Variants in DLG2 observed in about 807,000 individuals in gnomAD.
The protein encoded by DLG2 is disks large homolog 2.
In DLG2, 45 loss-of-function variants were observed where a neutral mutation model predicts 132.5. The observed-to-expected ratio is 0.34, with a 90% confidence interval of 0.27 to 0.44. The LOEUF (loss-of-function observed/expected upper bound fraction) is 0.44, where lower values mean the gene tolerates loss of function less well. Ranked by LOEUF, DLG2 falls within the 20% of genes least tolerant of loss-of-function variation. DLG2 has a pLI of 1.00. For synonymous variants in DLG2, 424 were observed against 419.6 expected (o/e 1.01, Z -0.13); for missense variants, 1,045 against 1,196.9 (o/e 0.87, Z 1.87).
intron 3 of DLG2, among the ~76,000 whole-genome samples, chr11:85,436,798 A>G (rs1250816279): frequency 2.0e-5 from 3 of 152,256 alleles, no homozygotes; most frequent in Admixed American, 2.0e-4. Flanking sequence ...CAATCCCATT[A>G]CTGGGTATAT....
intron 3 of DLG2, among the ~76,000 whole-genome samples, chr11:85,434,200 AAT>A (rs1465224246): frequency 6.6e-6 from 1 of 152,198 alleles, no homozygotes. Context: ...TATAGCCCTA[AAT>A]GCCCACATCA....
chr11:84,654,617 G>A (rs769208191), intron 6 of DLG2, among the ~76,000 whole-genome samples: 13 of 152,144 alleles, frequency 8.5e-5, no homozygotes, highest in South Asian at 2.1e-4. Flanking sequence ...ATTAAAGGAC[G>A]TGCTGTTCTG....
At chr11:83,588,550 C>G (rs2097132880) in intron 19 of DLG2, among the ~76,000 whole-genome samples, 1 of 152,016 alleles carries the variant, frequency 6.6e-6, no homozygotes, top group Non-Finnish European at 1.5e-5. Flanking sequence ...AAAAACAGAA[C>G]AGAAAAACTG....
At chr11:84,714,720 C>G (rs1326255141) in intron 6 of DLG2, among the ~76,000 whole-genome samples, 2 of 149,946 alleles carry the variant, frequency 1.3e-5, no homozygotes, top group African/African-American at 4.9e-5. Flanking sequence ...CTTTCCCTTC[C>G]TATCATTCTG....
chr11:85,011,138 AT>A (rs1371574475), intron 6 of DLG2, among the ~76,000 whole-genome samples: 3 of 152,160 alleles, frequency 2.0e-5, no homozygotes, highest in African/African-American at 7.2e-5. Flanking sequence ...AGCCTTGAGC[AT>A]TTTAACACCC....
chr11:84,418,485 A>G (rs2098937473), intron 7 of DLG2, among the ~76,000 whole-genome samples: 1 of 151,944 alleles, frequency 6.6e-6, no homozygotes, highest in Non-Finnish European at 1.5e-5. Flanking sequence ...AATGAAGTAC[A>G]GAGTCATGAA....
intron 7 of DLG2, among the ~76,000 whole-genome samples, chr11:84,348,292 A>G (rs757773965): frequency 7.2e-5 from 11 of 152,216 alleles, no homozygotes; most frequent in Non-Finnish European, 1.6e-4. Context: ...GAAGAAAAAT[A>G]AAGCTCAAGG....
intron 6 of DLG2, among the ~76,000 whole-genome samples, chr11:84,818,041 A>C (rs1478409362): frequency 6.6e-6 from 1 of 152,044 alleles, no homozygotes; most frequent in African/African-American, 2.4e-5. Context: ...ATATGAAAAA[A>C]TAAATACATC....
chr11:84,167,859 T>C (rs61897658), intron 8 of DLG2, among the ~76,000 whole-genome samples: 46,298 of 152,000 alleles, frequency 0.3, 8,773 homozygotes, highest in Middle Eastern at 0.45. Context: ...AAGGACTAGG[T>C]TTCACCATGT....
chr11:83,565,097 T>A lies in DLG2; in HGVS notation c.1941-23239A>T, dbSNP rs2096682058. Among the ~76,000 whole-genome samples the A allele has an allele frequency of 2.6e-5, 4 of 152,180 alleles. No homozygotes were observed. In the South Asian group the frequency reaches 8.3e-4, roughly 32 times the overall value. On this transcript the variant is annotated intron_variant, in intron 19 of 27. Transcript: ENST00000376104. ...TTCACTAGCATAGTTCCTGGTACAA[T>A]CCCTCATGATAAGATAATTGTATTT...
At chr11:84,923,136 A>AT in intron 6 of DLG2, 1 of 1,613,782 alleles carries the variant, frequency 6.2e-7, no homozygotes, top group Non-Finnish European at 8.5e-7. Context: ...AATAAGGAGC[A>AT]TATGGACCGG....
intron 4 of DLG2, among the ~76,000 whole-genome samples, chr11:85,166,089 C>G (rs1246553555): frequency 6.6e-6 from 1 of 152,128 alleles, no homozygotes; most frequent in African/African-American, 2.4e-5. Flanking sequence ...TTATCTTCCA[C>G]TTTCTCTGAC....
At chr11:83,630,415 T>C (rs1423984602) in intron 19 of DLG2, among the ~76,000 whole-genome samples, 1 of 152,180 alleles carries the variant, frequency 6.6e-6, no homozygotes, top group Non-Finnish European at 1.5e-5. Flanking sequence ...AATATTTTAC[T>C]AAGTCAGCTA....
At chr11:84,576,059 T>C (rs895258277) in intron 6 of DLG2, among the ~76,000 whole-genome samples, 1 of 152,204 alleles carries the variant, frequency 6.6e-6, no homozygotes, top group Non-Finnish European at 1.5e-5. Context: ...AAGTCTTTGT[T>C]TGAGATGTCG....
chr11:84,214,327 GT>G lies in DLG2; in HGVS notation c.573+36910del, dbSNP rs929997890. Among the ~76,000 whole-genome samples, 152 of 146,694 alleles carry G rather than the reference GT, an allele frequency of 1.0e-3. 3 individuals are homozygous for G. The highest frequency in any genetic ancestry group is 3.5e-3 in the African/African-American group (135 of 39,070). On this transcript the variant is annotated intron_variant, in intron 8 of 27. Coordinates refer to ENST00000376104, the MANE Select transcript of DLG2 (RefSeq NM_001142699.3). ...TATATTTCTATACATGTTTATATAT[GT>G]TTTTATGTGTACATACATATGTATA...
At chr11:83,698,984 C>T (rs997685718) in intron 18 of DLG2, among the ~76,000 whole-genome samples, 1 of 152,132 alleles carries the variant, frequency 6.6e-6, no homozygotes, top group Non-Finnish European at 1.5e-5. Flanking sequence ...AAGTGGGCTG[C>T]AGGTAGACGT....
At chr11:84,599,786 C>A (rs10466723) in intron 6 of DLG2, among the ~76,000 whole-genome samples, 4 of 151,868 alleles carry the variant, frequency 2.6e-5, no homozygotes, top group African/African-American at 9.7e-5. Flanking sequence ...AATCCCAACA[C>A]TTTAGGAGGC....
chr11:84,046,260 T>C (rs1339107285), intron 11 of DLG2, among the ~76,000 whole-genome samples: 2 of 151,612 alleles, frequency 1.3e-5, no homozygotes, highest in Admixed American at 1.3e-4. Flanking sequence ...AAAGTAATTG[T>C]GTGCTTTTTG....
chr11:85,333,746 G>T (rs2081938949), intron 3 of DLG2, among the ~76,000 whole-genome samples: 1 of 152,266 alleles, frequency 6.6e-6, no homozygotes, highest in South Asian at 2.1e-4. Context: ...ATTTCCATAT[G>T]TTGAACCAAG....
Sources: gnomAD v4.1 joint callset for allele counts (sites outside exome capture counted in the v4.1 genomes callset) on GRCh38, gnomAD v4.1.1 for gene constraint, MANE v1.5 for transcripts, NCBI Gene and HGNC (gene_info 2026-07-23, HGNC 2026-07-21) for gene names.